The following HPR variants were observed in gnomAD, a reference collection of about 807,000 sequenced individuals.
HPR encodes the protein haptoglobin-related protein.
HPR carries 17 observed loss-of-function variants against 18.5 expected under a neutral mutation model. That is an observed-to-expected ratio of 0.92 (90% CI 0.63 to 1.38). HPR has a LOEUF of 1.38. Among genes scored for constraint, HPR ranks in the 40% most tolerant of loss-of-function variants. The pLI, the probability that HPR is intolerant of heterozygous loss-of-function variation, is 0.00. For missense variants in HPR, 457 were observed against 432.4 expected, an observed-to-expected ratio of 1.06 and a Z score of -0.51; for synonymous variants, 176 against 165.0, an observed-to-expected ratio of 1.07 and a Z score of -0.51.
intron 2 of HPR, 38 bp downstream of exon 2, chr16:72,074,015 C>A: frequency 5.0e-6 from 8 of 1,612,610 alleles, no homozygotes; most frequent in Non-Finnish European, 6.8e-6. Context: ...GCATCCCTGG[C>A]ACTGCCACAT....
chr16:72,076,549 T>C lies in HPR; in HGVS notation c.515T>C (p.Leu172Pro). Residue 172 changes from leucine (L) to proline (P), a missense_variant, in exon 5 of 5, where the codon CTT becomes CCT. By Grantham distance (98) the Leu-to-Pro change is moderately conservative (BLOSUM62 -3). Transcript: ENST00000540303. ...TLTLYVGKKQ[L>P]VEIEKVVLHP... ...ACACTCTATGTGGGGAAAAAGCAGC[T>C]TGTAGAGATTGAGAAGGTGGTTCTA... The C allele has an allele frequency of 6.2e-7, 1 of 1,614,160 alleles. No individual in the cohort carries two copies.
At chr16:72,066,089 C>G (rs1260956800) in intron 1 of HPR, among the ~76,000 whole-genome samples, 3 of 152,194 alleles carry the variant, frequency 2.0e-5, no homozygotes, top group Non-Finnish European at 4.4e-5. Context: ...GTAAAAAGGA[C>G]ATTCAGAACT....
intron 1 of HPR, among the ~76,000 whole-genome samples, chr16:72,064,398 T>C (rs1293197804): frequency 6.6e-6 from 1 of 152,182 alleles, no homozygotes; most frequent in Non-Finnish European, 1.5e-5. Context: ...ACAACCTTCC[T>C]GCCAGTCCTT....
At chr16:72,073,211 C>T (rs2041675879) in intron 1 of HPR, among the ~76,000 whole-genome samples, 1 of 152,164 alleles carries the variant, frequency 6.6e-6, no homozygotes, top group African/African-American at 2.4e-5. Context: ...GGACAAGCTG[C>T]GTTAGACATA....
In HPR at chr16:72,074,880, T is replaced by G. The variant is rs2041701064; in HGVS notation, c.194-265T>G. On this transcript the variant is annotated intron_variant, in intron 3 of 4. Coordinates refer to ENST00000540303, the MANE Select transcript of HPR (RefSeq NM_020995.4). The stretch of plus-strand genomic sequence containing the variant: ...TGGCCTGTAAGAGGCAGAGTCAGGA[T>G]TTGAACCCTGAGCCCTCCCTGTACT... 10 of 668,842 alleles carry G rather than the reference T, an allele frequency of 1.5e-5. No individual in the cohort carries two copies. In the South Asian group the frequency reaches 1.9e-4, roughly 13 times the overall value. The allele number at this position is 668,842 out of a possible 1,614,324, so 41.4% of individuals were successfully genotyped here. A position where few individuals can be genotyped will look rare whatever the true frequency, so the allele number is the denominator to read the frequency against.
At position 72,076,699 on chromosome 16, in the gene HPR, A is replaced by C. The variant is rs1231686392; in HGVS notation, c.665A>C (p.Tyr222Ser). The stretch of plus-strand genomic sequence containing the variant: ...TATGCAGAAGTAGGGCGTGTGGGTT[A>C]CGTGTCTGGCTGGGGACAAAGTGAC... ...KNYAEVGRVG[Y>S]VSGWGQSDNF... Residue 222 changes from tyrosine to serine, a missense_variant, in exon 5 of 5, where the codon TAC becomes TCC. Transcript: ENST00000540303. 1 of 1,614,094 alleles carries C rather than the reference A, an allele frequency of 6.2e-7. No individual in the cohort carries two copies. Among genetic ancestry groups the C allele is most frequent in the Non-Finnish European group, 8.5e-7 (1 of 1,180,034 alleles).
chr16:72,074,436 C>A (rs1348423767), intron 3 of HPR, 51 bp downstream of exon 3: 2 of 1,429,392 alleles, frequency 1.4e-6, no homozygotes, highest in Non-Finnish European at 9.9e-7. Context: ...CCTGCTCTGA[C>A]ATTTCCATGA....
rs1300328706 is a variant in HPR, at chr16:72,075,155, C to A, written c.204C>A (p.Thr68=). Residue 68 remains threonine (T), a synonymous_variant, in exon 4 of 5, where the codon ACC becomes ACA. Coordinates refer to ENST00000540303, the MANE Select transcript of HPR (RefSeq NM_020995.4). The part of the protein sequence containing the change: ...RLRTEGDGVY[T]LNDKKQWINK... ...TGCCTTTTGTTTCAGGAGTATACAC[C>A]TTAAATGATAAGAAGCAGTGGATAA... The A allele has an allele frequency of 4.6e-6, 6 of 1,305,884 alleles. No homozygotes were observed. The East Asian group carries it at 1.5e-4, about 33-fold the overall frequency. The allele number at this position is 1,305,884 out of a possible 1,614,324, so 80.9% of individuals were successfully genotyped here.
At chr16:72,065,583 A>G (rs1373516942) in intron 1 of HPR, among the ~76,000 whole-genome samples, 1 of 152,220 alleles carries the variant, frequency 6.6e-6, no homozygotes, top group Non-Finnish European at 1.5e-5. Context: ...AGCAAATGAT[A>G]AAATATTGCT....
intron 1 of HPR, 133 bp from the exon 2 acceptor site, chr16:72,073,759 G>T: frequency 6.3e-7 from 1 of 1,583,078 alleles, no homozygotes. Flanking sequence ...GCTGCTTAGT[G>T]GGAGGAGTGT....
chr16:72,067,626 C>T (rs34042070), intron 1 of HPR, among the ~76,000 whole-genome samples: 1 of 152,038 alleles, frequency 6.6e-6, no homozygotes, highest in African/African-American at 2.4e-5. Flanking sequence ...CAATCCACAT[C>T]AAGCTAAACA....
At chr16:72,064,469 A>G (rs1434462848) in intron 1 of HPR, among the ~76,000 whole-genome samples, 2 of 152,042 alleles carry the variant, frequency 1.3e-5, no homozygotes, top group East Asian at 1.9e-4. Context: ...TCCCGTCGCA[A>G]TAGCCTCTCC....
chr16:72,069,374 C>T (rs2041631781), intron 1 of HPR, among the ~76,000 whole-genome samples: 1 of 152,190 alleles, frequency 6.6e-6, no homozygotes, highest in Admixed American at 6.5e-5. Flanking sequence ...GAGGAAATAA[C>T]CTAACAAACC....
rs2041697116 is a variant in HPR, at chr16:72,074,553, A to G, written c.193+168A>G. On this transcript the variant is annotated intron_variant, in intron 3 of 4. Transcript: ENST00000540303. ...CGCCAGTAGCCATGGCCCTTTGGGC[A>G]GACTAACTTTTGTCAGCCTCAGGTT... 5 of 746,660 alleles carry G rather than the reference A, an allele frequency of 6.7e-6. No homozygotes were observed. In the South Asian group the frequency reaches 7.3e-5, roughly 11 times the overall value. The allele number at this position is 746,660 out of a possible 1,614,324, so 46.3% of individuals were successfully genotyped here.
chr16:72,074,502 G>A (rs1341358797), intron 3 of HPR, 117 bp downstream of exon 3: 3 of 929,990 alleles, frequency 3.2e-6, no homozygotes, highest in Non-Finnish European at 5.3e-6. Flanking sequence ...GGAGCCAGGA[G>A]ATTTAGATTC....
At chr16:72,075,650 C>T (rs1010747166) in intron 4 of HPR, among the ~76,000 whole-genome samples, 11 of 152,222 alleles carry the variant, frequency 7.2e-5, no homozygotes, top group African/African-American at 2.2e-4. Flanking sequence ...CTCTCCTTTC[C>T]GTCTCAGAAC....
Position 72,069,290 on chromosome 16 carries a change from T to C in HPR, c.6-4602T>C, listed in dbSNP as rs535870661. On this transcript the variant is annotated intron_variant, in intron 1 of 4. Transcript: ENST00000540303. Reference sequence around the variant, plus strand: ...AGGAGTTAATCATCCAAGTACTGGATAACCTTCAGTTGCCAGAAGAAATAG... The same window carrying C: ...AGGAGTTAATCATCCAAGTACTGGACAACCTTCAGTTGCCAGAAGAAATAG... Among the ~76,000 whole-genome samples, 6 of 152,298 alleles carry C rather than the reference T, an allele frequency of 3.9e-5. No individual in the cohort carries two copies. The East Asian group carries it at 1.2e-3, about 29-fold the overall frequency.
Position 72,076,536 on chromosome 16 carries a change from G to A in HPR, c.502G>A (p.Gly168Arg). 1 of 1,614,136 alleles carries A rather than the reference G, an allele frequency of 6.2e-7. No homozygotes were observed. Among genetic ancestry groups the A allele is most frequent in the Non-Finnish European group, 8.5e-7 (1 of 1,180,016 alleles). Residue 168 changes from glycine (G) to arginine (R), a missense_variant, in exon 5 of 5, where the codon GGG becomes AGG. Gly to Arg is a moderately radical substitution (Grantham distance 125). Coordinates refer to ENST00000540303, the MANE Select transcript of HPR (RefSeq NM_020995.4). ...DIAPTLTLYV[G>R]KKQLVEIEKV... ...TGCCCCTACTTTAACACTCTATGTGGGGAAAAAGCAGCTTGTAGAGATTGA... is the reference window on the plus strand; with the variant it reads ...TGCCCCTACTTTAACACTCTATGTGAGGAAAAAGCAGCTTGTAGAGATTGA...
intron 1 of HPR, 66 bp downstream of exon 1, chr16:72,063,326 T>C (rs12918905): frequency 0.12 from 127,402 of 1,106,142 alleles, 34,444 homozygotes; most frequent in South Asian, 0.24. Flanking sequence ...TTGCATACAT[T>C]GGTACAGATG....
Sources: allele counts gnomAD v4.1 joint callset (sites outside exome capture counted in the v4.1 genomes callset), GRCh38; gene constraint gnomAD v4.1.1; transcripts MANE v1.5; gene names NCBI Gene and HGNC (gene_info 2026-07-23, HGNC 2026-07-21).